Variants in RYR2 observed in about 807,000 individuals in gnomAD.
RYR2 encodes ryanodine receptor 2, also known as cardiac muscle ryanodine receptor-calcium release channel.
In RYR2, 227 loss-of-function variants were observed where a neutral mutation model predicts 601.1. The observed-to-expected ratio is 0.38, with a 90% CI of 0.34 to 0.42. The LOEUF (loss-of-function observed/expected upper bound fraction) is 0.42. RYR2 is among the 10% of genes least tolerant of loss of function. The pLI is 1.00. For missense variants in RYR2, 4,646 were observed against 6,156.5 expected, an observed-to-expected ratio of 0.75 and a Z score of 8.21; for synonymous variants, 2,223 against 2,175.1, an observed-to-expected ratio of 1.02 and a Z score of -0.61.
intron 1 of RYR2, among the ~76,000 whole-genome samples, chr1:237,131,767 C>T (rs1571953984): frequency 6.6e-6 from 1 of 152,018 alleles, no homozygotes; most frequent in Non-Finnish European, 1.5e-5. Context: ...GTCACCCAGG[C>T]TGTAGTGCAG....
At chr1:237,278,852 G>A (rs536978459) in intron 2 of RYR2, among the ~76,000 whole-genome samples, 4 of 152,216 alleles carry the variant, frequency 2.6e-5, no homozygotes, top group East Asian at 3.9e-4. Flanking sequence ...ATTGCTCTTC[G>A]TTTCTCCTTT....
At chr1:237,652,410 T>C (rs78923354) in intron 51 of RYR2, among the ~76,000 whole-genome samples, 7,885 of 152,220 alleles carry the variant, frequency 0.052, 271 homozygotes, top group African/African-American at 0.092. Context: ...ATCAAAGTTA[T>C]ATAGTAATGT....
chr1:237,602,196 T>A (rs1386806146), intron 35 of RYR2, 85 bp downstream of exon 35: 4 of 916,584 alleles, frequency 4.4e-6, no homozygotes, highest in Admixed American at 2.6e-5. Flanking sequence ...ATTCAGTATA[T>A]TAGTACTGAT....
intron 88 of RYR2, among the ~76,000 whole-genome samples, chr1:237,780,698 A>G (rs1464871340): frequency 2.4e-4 from 36 of 152,346 alleles, no homozygotes; most frequent in Non-Finnish European, 1.2e-4. Context: ...GTAATACTGG[A>G]AAGCTTAATC....
rs1446675719 is a variant in RYR2 at position 237,529,757 on chromosome 1, TCATACA to T, written c.2823-667_2823-662del. ...TTCTATAAAAGGTAAAACAATAATA[TCATACA>T]CACACACACACACACACACACACAC... On this transcript the variant is annotated intron_variant, in intron 24 of 104. Coordinates refer to ENST00000366574, the MANE Select transcript of RYR2 (RefSeq NM_001035.3). 1.0e-4 allele frequency among the ~76,000 whole-genome samples: 4 copies of T among 40,192 alleles called. No individual in the cohort carries two copies. In the Admixed American group the frequency reaches 1.1e-3, roughly 11 times the overall value. 26.4% of individuals were successfully genotyped at this position (40,192 alleles called of 152,430 possible).
intron 82 of RYR2, among the ~76,000 whole-genome samples, chr1:237,758,776 A>C (rs1046144371): frequency 2.0e-5 from 3 of 152,208 alleles, no homozygotes; most frequent in Non-Finnish European, 4.4e-5. Flanking sequence ...CATGCTTTCT[A>C]TCATCTTGTA....
intron 16 of RYR2, among the ~76,000 whole-genome samples, chr1:237,463,915 T>C (rs550111136): frequency 6.6e-6 from 1 of 152,278 alleles, no homozygotes; most frequent in South Asian, 2.1e-4. Flanking sequence ...TATTGTACTA[T>C]TTGGTATTAA....
At chr1:237,379,252 C>T (rs74147250) in intron 8 of RYR2, among the ~76,000 whole-genome samples, 14,096 of 152,082 alleles carry the variant, frequency 0.093, 792 homozygotes, top group African/African-American at 0.16. Flanking sequence ...TTTGTACTTC[C>T]GCTACGTATC....
intron 1 of RYR2, among the ~76,000 whole-genome samples, chr1:237,167,708 C>CTTTTTT (rs11288225): frequency 1.1e-4 from 11 of 101,100 alleles, no homozygotes; most frequent in Admixed American, 2.3e-4. Context: ...GATCCACCTC[C>CTTTTTT]TTTTTTTTTT....
At chr1:237,795,836 G>GTGTGTATATATATATATA (rs371932356) in intron 96 of RYR2, among the ~76,000 whole-genome samples, 2 of 132,692 alleles carry the variant, frequency 1.5e-5, no homozygotes, top group South Asian at 2.4e-4. Context: ...GTGTGTGTGT[G>GTGTGTATATATATATATA]TATATATATA....
At chr1:237,681,340 A>C (rs1685864777) in intron 62 of RYR2, among the ~76,000 whole-genome samples, 1 of 152,216 alleles carries the variant, frequency 6.6e-6, no homozygotes, top group Admixed American at 6.5e-5. Flanking sequence ...GCTGTGCTGA[A>C]AGGCAGTACG....
At chr1:237,611,056 C>T (rs1179988217) in intron 36 of RYR2, 68 bp downstream of exon 36, 34 of 1,386,760 alleles carry the variant, frequency 2.5e-5, no homozygotes, top group South Asian at 9.9e-5. Context: ...CCGGGGCTTC[C>T]GGTAGTGGTG....
At chr1:237,499,869 T>A (rs1664449845) in intron 20 of RYR2, among the ~76,000 whole-genome samples, 1 of 152,240 alleles carries the variant, frequency 6.6e-6, no homozygotes. Context: ...TACCTTCTTT[T>A]CTTTCATTGT....
rs180893616 is a variant in RYR2, at chr1:237,659,744, A to G, written c.8209-241A>G. On this transcript the variant is annotated intron_variant, in intron 54 of 104. Transcript: ENST00000366574. ...TGTTCCAGATGATTACTGAAAATAC[A>G]TCATGCAATATGTCCATGTAACAAA... is the stretch of plus-strand genomic sequence containing the variant. Among the ~76,000 whole-genome samples the G allele has an allele frequency of 3.3e-5, 5 of 152,338 alleles. No individual in the cohort carries two copies. The East Asian group carries it at 9.6e-4, about 29-fold the overall frequency.
At chr1:237,638,528 A>G (rs763113684) in intron 45 of RYR2, 36 bp downstream of exon 45, 6 of 1,606,666 alleles carry the variant, frequency 3.7e-6, no homozygotes, top group South Asian at 3.3e-5. Context: ...TTGAGTTATC[A>G]TTAAAACTGC....
At chr1:237,362,269 C>A (rs1471937632) in intron 4 of RYR2, among the ~76,000 whole-genome samples, 3 of 152,212 alleles carry the variant, frequency 2.0e-5, no homozygotes, top group Non-Finnish European at 4.4e-5. Context: ...ACGTTGGAAT[C>A]CATGCTGCGT....
At chr1:237,262,572 A>G (rs1688649787) in intron 1 of RYR2, among the ~76,000 whole-genome samples, 1 of 152,126 alleles carries the variant, frequency 6.6e-6, no homozygotes, top group Non-Finnish European at 1.5e-5. Context: ...TTTTATAGTC[A>G]CAGGAAATAC....
chr1:237,492,807 G>A, intron 18 of RYR2, 147 bp from the exon 19 acceptor site: 3 of 974,088 alleles, frequency 3.1e-6, no homozygotes, highest in Non-Finnish European at 4.5e-6. Context: ...CTGGGTGACA[G>A]AGTGAGATGC....
chr1:237,627,416 A>T (rs1044354986), intron 40 of RYR2, among the ~76,000 whole-genome samples: 1 of 152,230 alleles, frequency 6.6e-6, no homozygotes, highest in Admixed American at 6.5e-5. Flanking sequence ...GAACTTTATA[A>T]GGATAAATGA....
Sources: gnomAD v4.1 joint callset for allele counts (sites outside exome capture counted in the v4.1 genomes callset) on GRCh38, gnomAD v4.1.1 for gene constraint, MANE v1.5 for transcripts, NCBI Gene and HGNC (gene_info 2026-07-23, HGNC 2026-07-21) for gene names.